KANK1: variants seen among roughly 807,000 people sequenced by gnomAD.
KANK1 encodes the protein KN motif and ankyrin repeat domain-containing protein 1.
Under a neutral mutation model 106.2 loss-of-function variants are expected in KANK1, and 109 were observed. The ratio of observed to expected loss-of-function variants is 1.03; its 90% CI spans 0.88 to 1.20. KANK1 has a LOEUF of 1.20. KANK1 is among the 50% of genes most tolerant of loss of function. KANK1 has a pLI of 0.00. For missense variants in KANK1, 2,399 were observed against 1,710.7 expected (o/e 1.40, Z -7.10); for synonymous variants, 873 against 652.2 (o/e 1.34, Z -5.16).
chr9:712,972 A>G lies in KANK1; in HGVS notation c.2206A>G (p.Ile736Val), dbSNP rs1450005513. Residue 736 changes from isoleucine to valine, a missense_variant, in exon 3 of 12, where the codon ATT becomes GTT. Physicochemically the swap from Ile to Val is conservative, Grantham distance 29. Transcript: ENST00000382297. ...DINSSTKTRSIGVGTLLSGHS... is the reference protein window; with the variant it reads ...DINSSTKTRSVGVGTLLSGHS... ...CAACTCCTCCACCAAGACGCGGTCC[A>G]TTGGTGTTGGAACGTTGCTTTCTGG... 12 of 1,614,202 alleles carry G rather than the reference A, an allele frequency of 7.4e-6. No homozygotes were observed. Among genetic ancestry groups the G allele is most frequent in the Non-Finnish European group, 1.0e-5 (12 of 1,180,038 alleles).
At chr9:552,351 C>T (rs922716187) in intron 1 of KANK1, among the ~76,000 whole-genome samples, 12 of 152,160 alleles carry the variant, frequency 7.9e-5, no homozygotes. Context: ...GGTCAGTTAG[C>T]CGGTGATTGC....
chr9:687,476 T>G (rs1026260913), intron 2 of KANK1, among the ~76,000 whole-genome samples: 1 of 152,210 alleles, frequency 6.6e-6, no homozygotes, highest in Non-Finnish European at 1.5e-5. Context: ...TCAGTTCTTG[T>G]GTCTGTAAAA....
intron 3 of KANK1, among the ~76,000 whole-genome samples, chr9:729,123 T>C (rs1404170267): frequency 6.6e-6 from 1 of 152,224 alleles, no homozygotes; most frequent in African/African-American, 2.4e-5. Flanking sequence ...AATTACAAAA[T>C]ATTATTTAAT....
chr9:583,711 TAA>T (rs1822747295), intron 1 of KANK1, among the ~76,000 whole-genome samples: 1 of 150,454 alleles, frequency 6.6e-6, no homozygotes, highest in African/African-American at 2.4e-5. Context: ...CATTATATAG[TAA>T]TATATATTAA....
chr9:676,914 G>A lies in KANK1; in HGVS notation c.-59G>A, dbSNP rs149321857. ...GGTTGAATGCCTTTGAGAACTTGAT[G>A]CATAAAATTTGCATGACTCCTCACT... is the stretch of plus-strand genomic sequence containing the variant. On this transcript the variant is annotated 5_prime_UTR_variant, in exon 2 of 12. An upstream start codon of the reference 5' UTR is lost. Coordinates refer to ENST00000382297, the MANE Select transcript of KANK1 (RefSeq NM_015158.5). The A allele has an allele frequency of 5.8e-6, 8 of 1,379,602 alleles. No homozygotes were observed. The African/African-American group carries it at 1.0e-4, about 18-fold the overall frequency. The allele number at this position is 1,379,602 out of a possible 1,614,324, so 85.5% of individuals were successfully genotyped here. A position where few individuals can be genotyped will look rare whatever the true frequency, so the allele number is the denominator to read the frequency against.
intron 2 of KANK1, chr9:706,794 G>T: frequency 1.0e-6 from 1 of 985,474 alleles, no homozygotes; most frequent in Non-Finnish European, 1.2e-6. Context: ...AACCCGCAGA[G>T]AACAGTGGGG....
intron 1 of KANK1, among the ~76,000 whole-genome samples, chr9:596,023 A>G (rs890806393): frequency 2.0e-5 from 3 of 151,888 alleles, no homozygotes; most frequent in Non-Finnish European, 2.9e-5. Context: ...ACAAGTCTAA[A>G]TAACAAGTTC....
At chr9:686,080 C>G (rs916925418) in intron 2 of KANK1, among the ~76,000 whole-genome samples, 6 of 152,148 alleles carry the variant, frequency 3.9e-5, no homozygotes, top group African/African-American at 7.2e-5. Context: ...TTTCCAGTAA[C>G]TTATATGCCC....
At chr9:725,634 G>A (rs1055619949) in intron 3 of KANK1, among the ~76,000 whole-genome samples, 2 of 152,106 alleles carry the variant, frequency 1.3e-5, no homozygotes, top group Admixed American at 1.3e-4. Flanking sequence ...CTTGTAGGTG[G>A]TGGGGAATGT....
chr9:744,939 C>T, intron 11 of KANK1: 1 of 1,440,454 alleles, frequency 6.9e-7, no homozygotes, highest in Non-Finnish European at 9.1e-7. Context: ...AGCCTGTAGT[C>T]CACAGTTCAC....
intron 1 of KANK1, among the ~76,000 whole-genome samples, chr9:653,584 C>G (rs1024920007): frequency 1.3e-5 from 2 of 152,128 alleles, no homozygotes; most frequent in Admixed American, 6.5e-5. Flanking sequence ...TGCAAGTTTG[C>G]TGAAAACCAC....
At chr9:529,234 T>TATATATATATACAC (rs1554613765) in intron 1 of KANK1, among the ~76,000 whole-genome samples, 2 of 148,704 alleles carry the variant, frequency 1.3e-5, no homozygotes, top group African/African-American at 5.0e-5. Context: ...TATATATATA[T>TATATATATATACAC]ACACACACAC....
In KANK1 at chr9:730,163, C is replaced by G. The variant is rs984743638; in HGVS notation, c.2811C>G (p.Ile937Met). ...TGGGGACCTCAGAAGGAAAGCCAAT[C>G]AGCAGCCTGGATGCCTTCCCCACTC... ...QEVGTSEGKP[I>M]SSLDAFPTQE... Residue 937 changes from isoleucine to methionine, a missense_variant, in exon 4 of 12, where the codon ATC (isoleucine) becomes ATG (methionine). Ile to Met is a conservative substitution (Grantham distance 10). Transcript: ENST00000382297. 3.1e-6 allele frequency: 5 copies of G among 1,614,218 alleles called. No homozygotes were observed. In the South Asian group the frequency reaches 5.5e-5, roughly 18 times the overall value.
chr9:646,344 A>T (rs537792266), intron 1 of KANK1, among the ~76,000 whole-genome samples: 1 of 150,666 alleles, frequency 6.6e-6, no homozygotes, highest in African/African-American at 2.5e-5. Flanking sequence ...TAAAAAAAAA[A>T]TTTAAGAAAA....
chr9:669,436 A>G (rs1563958483), intron 1 of KANK1, among the ~76,000 whole-genome samples: 1 of 152,178 alleles, frequency 6.6e-6, no homozygotes, highest in East Asian at 1.9e-4. Context: ...TTTGTCAGAA[A>G]AAGACTATCT....
At chr9:499,019 TAAA>T (rs556908563) in intron 3 of KANK1, among the ~76,000 whole-genome samples, 1 of 150,566 alleles carries the variant, frequency 6.6e-6, no homozygotes, top group African/African-American at 2.4e-5. Flanking sequence ...CTACTAAAAA[TAAA>T]AAAAAATTAG....
intron 1 of KANK1, among the ~76,000 whole-genome samples, chr9:583,419 A>C (rs559981345): frequency 6.6e-6 from 1 of 152,256 alleles, no homozygotes; most frequent in South Asian, 2.1e-4. Flanking sequence ...TCATGACTTT[A>C]CCTGCATGTT....
intron 3 of KANK1, among the ~76,000 whole-genome samples, chr9:719,259 G>T: frequency 6.6e-6 from 1 of 152,054 alleles, no homozygotes; most frequent in Non-Finnish European, 1.5e-5. Context: ...GAGCCAGCGC[G>T]CCCGGCCTCA....
At chr9:565,510 A>G (rs1817592880) in intron 1 of KANK1, among the ~76,000 whole-genome samples, 1 of 152,206 alleles carries the variant, frequency 6.6e-6, no homozygotes, top group Non-Finnish European at 1.5e-5. Flanking sequence ...TTATCACTCA[A>G]ATTAATCTCC....
Sources: gnomAD v4.1 joint callset for allele counts (sites outside exome capture counted in the v4.1 genomes callset) on GRCh38, gnomAD v4.1.1 for gene constraint, MANE v1.5 for transcripts, NCBI Gene and HGNC (gene_info 2026-07-23, HGNC 2026-07-21) for gene names.